ZNF385B: variants seen among roughly 807,000 people sequenced by gnomAD.
The protein encoded by ZNF385B is zinc finger protein 385B.
ZNF385B carries 23 observed loss-of-function variants against 39.2 expected under a neutral mutation model. The ratio of observed to expected loss-of-function variants is 0.59; its 90% confidence interval spans 0.42 to 0.83. The LOEUF (loss-of-function observed/expected upper bound fraction) is 0.83, where lower values mean the gene tolerates loss of function less well. Ranked by LOEUF, ZNF385B falls within the 40% of genes least tolerant of loss-of-function variation. The pLI, the probability that ZNF385B is intolerant of heterozygous loss-of-function variation, is 0.00. For missense variants in ZNF385B, 552 were observed against 598.9 expected (o/e 0.92, Z 0.82); for synonymous variants, 205 against 222.6 (o/e 0.92, Z 0.70).
At position 179,837,306 on chromosome 2, in the gene ZNF385B, C is replaced by T. The variant is rs183431328; in HGVS notation, c.-155+23795G>A. 1.9e-4 allele frequency among the ~76,000 whole-genome samples: 29 copies of T among 152,216 alleles called. No individual in the cohort carries two copies. The East Asian group carries it at 4.8e-3, about 25-fold the overall frequency. On this transcript the variant is annotated intron_variant, in intron 1 of 9. Transcript: ENST00000410066. The stretch of plus-strand genomic sequence containing the variant: ...TCATTTACCCTAGCATACTTCATTA[C>T]GATGTGCTTGGATTTTATTTCTTTT...
chr2:179,542,644 G>A (rs1020722481), intron 4 of ZNF385B, among the ~76,000 whole-genome samples: 6 of 152,112 alleles, frequency 3.9e-5, no homozygotes, highest in African/African-American at 1.4e-4. Flanking sequence ...CTTTATGAAG[G>A]TATTCTCTCC....
chr2:179,806,554 A>T (rs1375956820), intron 1 of ZNF385B, among the ~76,000 whole-genome samples: 1 of 152,200 alleles, frequency 6.6e-6, no homozygotes. Flanking sequence ...GATATTTTAC[A>T]TCACTAAATT....
chr2:179,760,221 T>TGCGCGC (rs111292369), intron 3 of ZNF385B, among the ~76,000 whole-genome samples: 2,711 of 138,624 alleles, frequency 0.02, 44 homozygotes, highest in Non-Finnish European at 0.032. Flanking sequence ...GATTCCTGTG[T>TGCGCGC]GCGTGTGTGT....
intron 4 of ZNF385B, among the ~76,000 whole-genome samples, chr2:179,526,225 C>T (rs570050546): frequency 9.7e-6 from 1 of 102,974 alleles, no homozygotes; most frequent in African/African-American, 2.7e-5. Context: ...GACAGGGTTT[C>T]ACCATGTTGC....
chr2:179,692,052 A>T (rs1362956111), intron 3 of ZNF385B, among the ~76,000 whole-genome samples: 1 of 152,098 alleles, frequency 6.6e-6, no homozygotes, highest in Non-Finnish European at 1.5e-5. Flanking sequence ...TATGCAATAA[A>T]TTATTATTAA....
intron 1 of ZNF385B, among the ~76,000 whole-genome samples, chr2:179,793,035 C>T (rs1344894020): frequency 6.6e-6 from 1 of 152,178 alleles, no homozygotes; most frequent in Admixed American, 6.5e-5. Flanking sequence ...TGAGGAAAAG[C>T]ATCCATTCTG....
intron 3 of ZNF385B, among the ~76,000 whole-genome samples, chr2:179,729,575 A>C (rs964865689): frequency 6.6e-6 from 1 of 152,220 alleles, no homozygotes; most frequent in African/African-American, 2.4e-5. Context: ...TAATGCTTAC[A>C]TGAAGTACTC....
intron 1 of ZNF385B, among the ~76,000 whole-genome samples, chr2:179,849,138 C>T (rs1022467236): frequency 6.6e-6 from 1 of 152,166 alleles, no homozygotes; most frequent in Non-Finnish European, 1.5e-5. Flanking sequence ...CAGTCTTATC[C>T]CAATGCCACC....
At chr2:179,751,165 A>AC (rs1161222204) in intron 3 of ZNF385B, among the ~76,000 whole-genome samples, 1 of 52,436 alleles carries the variant, frequency 1.9e-5, no homozygotes, top group African/African-American at 7.4e-5. Context: ...CACCCTCCCC[A>AC]CCCCCTGCCA....
intron 3 of ZNF385B, among the ~76,000 whole-genome samples, chr2:179,607,503 C>A (rs1688909970): frequency 6.6e-6 from 1 of 152,164 alleles, no homozygotes; most frequent in Non-Finnish European, 1.5e-5. Flanking sequence ...CCATGTGGAA[C>A]TGTGAGTCAA....
chr2:179,665,497 A>T (rs920854745), intron 3 of ZNF385B, among the ~76,000 whole-genome samples: 4 of 152,204 alleles, frequency 2.6e-5, no homozygotes, highest in Admixed American at 2.0e-4. Flanking sequence ...GCAATAATTT[A>T]TACGTTTGGA....
At chr2:179,570,374 A>G (rs988481118) in intron 3 of ZNF385B, among the ~76,000 whole-genome samples, 3 of 152,176 alleles carry the variant, frequency 2.0e-5, no homozygotes, top group Admixed American at 6.6e-5. Context: ...TTGGGAACAA[A>G]TGTGAAGGAA....
intron 3 of ZNF385B, among the ~76,000 whole-genome samples, chr2:179,751,855 A>G (rs1450482674): frequency 6.6e-6 from 1 of 152,042 alleles, no homozygotes; most frequent in East Asian, 1.9e-4. Context: ...CTTCTCCCCC[A>G]TCCAAAATGT....
chr2:179,695,569 T>C (rs1247568649), intron 3 of ZNF385B, among the ~76,000 whole-genome samples: 2 of 152,150 alleles, frequency 1.3e-5, no homozygotes, highest in Non-Finnish European at 2.9e-5. Context: ...AAGGAAGATA[T>C]ATAAAAGGCC....
chr2:179,719,334 C>G (rs776485230), intron 3 of ZNF385B, among the ~76,000 whole-genome samples: 6 of 152,204 alleles, frequency 3.9e-5, no homozygotes, highest in Admixed American at 6.5e-5. Context: ...TTAACTTTAC[C>G]TGTCACTTTC....
chr2:179,461,948 C>A (rs939554587), intron 6 of ZNF385B, among the ~76,000 whole-genome samples: 2 of 152,128 alleles, frequency 1.3e-5, no homozygotes. Context: ...TCCAGAATAG[C>A]AAAGAAGCCC....
chr2:179,632,264 C>T (rs949156810), intron 3 of ZNF385B, among the ~76,000 whole-genome samples: 11 of 152,240 alleles, frequency 7.2e-5, no homozygotes, highest in African/African-American at 2.7e-4. Context: ...CTCAGCACCA[C>T]ATCACACTTG....
At chr2:179,831,515 C>T (rs1386043362) in intron 1 of ZNF385B, among the ~76,000 whole-genome samples, 6 of 151,080 alleles carry the variant, frequency 4.0e-5, no homozygotes, top group East Asian at 3.9e-4. Context: ...AGGTAAAAAT[C>T]GCTTATCATC....
At chr2:179,861,608 ACTGCAGAGCCTC>A (rs1218771259) in exon 1 of ZNF385B, 1 of 152,190 alleles carries the variant, frequency 6.6e-6, no homozygotes, top group African/African-American at 2.4e-5. Context: ...GCTCGTTGAC[ACTGCAGAGCCTC>A]CCGCAGCATC....
Sources: allele counts gnomAD v4.1 joint callset (sites outside exome capture counted in the v4.1 genomes callset), GRCh38; gene constraint gnomAD v4.1.1; transcripts MANE v1.5; gene names NCBI Gene and HGNC (gene_info 2026-07-23, HGNC 2026-07-21).